HP1BP3: variants seen among roughly 807,000 people sequenced by gnomAD.
The protein encoded by HP1BP3 is heterochromatin protein 1-binding protein 3.
Under a neutral mutation model 62.5 loss-of-function variants are expected in HP1BP3, and 12 were observed. That is an observed-to-expected ratio of 0.19 (90% CI 0.12 to 0.31). The LOEUF (loss-of-function observed/expected upper bound fraction) is 0.31. Ranked by LOEUF, HP1BP3 falls within the 10% of genes least tolerant of loss-of-function variation. The pLI is 1.00. For synonymous variants in HP1BP3, 260 were observed against 237.8 expected (o/e 1.09, Z -0.86); for missense variants, 502 against 651.8 (o/e 0.77, Z 2.50).
In HP1BP3 at chr1:20,765,427, G is replaced by A; in HGVS notation, c.840C>T (p.Leu280=). Reference sequence around the variant, plus strand: ...AATACTGAGACACATATTTCCTGATGAGACTGTAGGAAGCTTCTTTAGGTT... The same window carrying A: ...AATACTGAGACACATATTTCCTGATAAGACTGTAGGAAGCTTCTTTAGGTT... ...LCEPKEASYS[L]IRKYVSQYYP... The change falls in exon 8 of 13, where the codon CTC becomes CTT. Residue 280 remains leucine, a synonymous_variant. Coordinates refer to ENST00000438032, the MANE Select transcript of HP1BP3 (RefSeq NM_001372052.1). The A allele has an allele frequency of 6.2e-7, 1 of 1,613,380 alleles. No homozygotes were observed. Among genetic ancestry groups the A allele is most frequent in the Non-Finnish European group, 8.5e-7 (1 of 1,179,508 alleles).
At chr1:20,785,172 A>G (rs1282566578) in intron 1 of HP1BP3, among the ~76,000 whole-genome samples, 1 of 152,218 alleles carries the variant, frequency 6.6e-6, no homozygotes, top group Admixed American at 6.5e-5. Flanking sequence ...TTGGCCTCCC[A>G]AAGTGTTAGG....
intron 1 of HP1BP3, among the ~76,000 whole-genome samples, chr1:20,786,881 T>G (rs886538123): frequency 4.0e-5 from 6 of 151,326 alleles, no homozygotes; most frequent in Non-Finnish European, 5.9e-5. Flanking sequence ...GGACGCAGGG[T>G]CGCACGGCCA....
chr1:20,776,528 A>C, intron 4 of HP1BP3, 69 bp downstream of exon 4: 1 of 1,375,308 alleles, frequency 7.3e-7, no homozygotes, highest in Admixed American at 2.1e-5. Flanking sequence ...TAACACTTTA[A>C]AACAATCTAA....
intron 1 of HP1BP3, among the ~76,000 whole-genome samples, chr1:20,781,915 C>T (rs75303420): frequency 0.035 from 5,399 of 152,188 alleles, 307 homozygotes; most frequent in African/African-American, 0.12. Flanking sequence ...CGTGACCCAC[C>T]GCACCCGGCC....
At chr1:20,779,320 G>A (rs1248993095) in intron 3 of HP1BP3, among the ~76,000 whole-genome samples, 1 of 152,118 alleles carries the variant, frequency 6.6e-6, no homozygotes, top group Non-Finnish European at 1.5e-5. Flanking sequence ...CCATGTTGAT[G>A]GGTCTATGTT....
At chr1:20,747,989 C>T (rs1272036991) in intron 10 of HP1BP3, among the ~76,000 whole-genome samples, 2 of 152,074 alleles carry the variant, frequency 1.3e-5, no homozygotes, top group Admixed American at 6.5e-5. Flanking sequence ...ACTGCTGGGA[C>T]TCCAGGCATG....
chr1:20,756,142 A>C (rs1246247758), intron 9 of HP1BP3, among the ~76,000 whole-genome samples: 2 of 152,206 alleles, frequency 1.3e-5, no homozygotes, highest in African/African-American at 2.4e-5. Context: ...AAATTGTATA[A>C]GGTATGCAAA....
At chr1:20,769,472 G>A (rs2056950739) in intron 6 of HP1BP3, among the ~76,000 whole-genome samples, 1 of 152,126 alleles carries the variant, frequency 6.6e-6, no homozygotes, top group African/African-American at 2.4e-5. Flanking sequence ...GTGGGAAGAC[G>A]GCTGGAGCCC....
chr1:20,756,647 T>C (rs1036506706), intron 9 of HP1BP3, among the ~76,000 whole-genome samples: 1 of 152,196 alleles, frequency 6.6e-6, no homozygotes, highest in Non-Finnish European at 1.5e-5. Flanking sequence ...TAATATGTAA[T>C]GGGTTTTCTA....
intron 1 of HP1BP3, among the ~76,000 whole-genome samples, chr1:20,784,123 C>A (rs935051566): frequency 2.0e-5 from 3 of 152,138 alleles, no homozygotes; most frequent in Non-Finnish European, 4.4e-5. Flanking sequence ...GCACGCACCG[C>A]CATGCCCGGC....
intron 1 of HP1BP3, among the ~76,000 whole-genome samples, chr1:20,781,687 C>T (rs555867453): frequency 2.0e-5 from 3 of 152,246 alleles, no homozygotes; most frequent in Admixed American, 2.0e-4. Context: ...AGTGCGGTGG[C>T]ACGATCTCAG....
intron 3 of HP1BP3, among the ~76,000 whole-genome samples, chr1:20,776,966 T>C (rs932176023): frequency 2.0e-4 from 30 of 152,290 alleles, no homozygotes; most frequent in African/African-American, 6.7e-4. Flanking sequence ...ATTAGAAAAA[T>C]AGACCAGGAA....
intron 8 of HP1BP3, among the ~76,000 whole-genome samples, chr1:20,758,160 AAAAAC>A (rs1427238020): frequency 1.3e-5 from 2 of 152,188 alleles, no homozygotes; most frequent in Non-Finnish European, 2.9e-5. Context: ...ATAAAAAATA[AAAAAC>A]AAAACAAAAA....
intron 9 of HP1BP3, among the ~76,000 whole-genome samples, chr1:20,756,188 T>G (rs1021457236): frequency 1.3e-5 from 2 of 152,216 alleles, no homozygotes; most frequent in Non-Finnish European, 2.9e-5. Flanking sequence ...AATAACGATT[T>G]GTTGAGTTTT....
In HP1BP3 at chr1:20,773,490, T is replaced by C; in HGVS notation, c.471A>G (p.Pro157=). The change falls in exon 5 of 13, where the codon CCA becomes CCG. Residue 157 remains proline (P), a synonymous_variant. Transcript: ENST00000438032. ...TTAAGATTGCATCCATCTTGGGACG[T>C]GGGGAAGAAGCCATCGGTGTTTGTT... ...AQKQTPMASS[P]RPKMDAILTE... is the part of the protein sequence containing the mutation. The C allele has an allele frequency of 1.2e-6, 2 of 1,613,260 alleles. No individual in the cohort carries two copies. Among genetic ancestry groups the C allele is most frequent in the African/African-American group, 2.7e-5 (2 of 75,036 alleles).
intron 3 of HP1BP3, among the ~76,000 whole-genome samples, chr1:20,777,802 A>G (rs1311619173): frequency 6.6e-6 from 1 of 152,200 alleles, no homozygotes; most frequent in Non-Finnish European, 1.5e-5. Flanking sequence ...AAACCAAATC[A>G]CATAAGTACA....
chr1:20,775,649 C>A (rs549733343), intron 4 of HP1BP3: 126 of 203,668 alleles, frequency 6.2e-4, no homozygotes, highest in African/African-American at 2.3e-3. Context: ...GTGTCCTACA[C>A]AGGTATACCA....
In HP1BP3 at chr1:20,755,726, T is replaced by C. The variant is rs139863673; in HGVS notation, c.981+1440A>G. Among the ~76,000 whole-genome samples the C allele has an allele frequency of 5.1e-3, 776 of 152,260 alleles. 7 individuals are homozygous for C. The highest frequency in any genetic ancestry group is 0.018 in the African/African-American group (746 of 41,538). On this transcript the variant is annotated intron_variant, in intron 9 of 12. Coordinates refer to ENST00000438032, the MANE Select transcript of HP1BP3 (RefSeq NM_001372052.1). The stretch of plus-strand genomic sequence containing the variant: ...GTATTATTCATAATTAGCTGAAAAG[T>C]AGAAATAATCCAAATGTCCATCATC...
rs186077734 is a variant in HP1BP3 at position 20,740,655 on chromosome 1, T to C, written c.*4142A>G. ...GGGCAACACAGTGAGGCCCCATCTC[T>C]AGAAAAGATAAATTAGCCAGGCATT... On this transcript the variant is annotated 3_prime_UTR_variant, in exon 13 of 13. Transcript: ENST00000438032. Among the ~76,000 whole-genome samples, 87 of 152,214 alleles carry C rather than the reference T, an allele frequency of 5.7e-4. No homozygotes were observed. Among genetic ancestry groups the C allele is most frequent in the African/African-American group, 2.0e-3 (82 of 41,528 alleles).
Sources: gnomAD v4.1 joint callset for allele counts (sites outside exome capture counted in the v4.1 genomes callset) on GRCh38, gnomAD v4.1.1 for gene constraint, MANE v1.5 for transcripts, NCBI Gene and HGNC (gene_info 2026-07-23, HGNC 2026-07-21) for gene names.